The following DCC variants were observed in gnomAD, a reference collection of about 807,000 sequenced individuals.
The protein encoded by DCC is netrin receptor DCC.
In DCC, 58 loss-of-function variants were observed where a neutral mutation model predicts 172.5. The ratio of observed to expected loss-of-function variants is 0.34; its 90% CI spans 0.27 to 0.42. The LOEUF is 0.42. DCC is among the 10% of genes least tolerant of loss of function. The pLI, the probability that DCC is intolerant of heterozygous loss-of-function variation, is 1.00. For missense variants in DCC, 1,740 were observed against 1,791.0 expected (o/e 0.97, Z 0.51); for synonymous variants, 709 against 644.5 (o/e 1.10, Z -1.52).
intron 1 of DCC, among the ~76,000 whole-genome samples, chr18:52,414,305 A>C (rs1986942983): frequency 6.6e-6 from 1 of 152,010 alleles, no homozygotes; most frequent in Non-Finnish European, 1.5e-5. Context: ...GCTGGTCTTG[A>C]ACTCCTGACC....
At position 53,241,231 on chromosome 18, in the gene DCC, T is replaced by C. The variant is rs73463015; in HGVS notation, c.1911+25634T>C. On this transcript the variant is annotated intron_variant, in intron 12 of 28. Transcript: ENST00000442544. ...TCTTAAATTTGTGACTGTCAAGGGC[T>C]AGGCTAAGCTGGAGAAATCTGATCT... 6.3e-3 allele frequency among the ~76,000 whole-genome samples: 953 copies of C among 152,270 alleles called. 7 individuals are homozygous for C. The highest frequency in any genetic ancestry group is 0.021 in the African/African-American group (883 of 41,572).
At chr18:53,478,817 G>C (rs1599197522) in intron 25 of DCC, among the ~76,000 whole-genome samples, 1 of 152,316 alleles carries the variant, frequency 6.6e-6, no homozygotes, top group Middle Eastern at 3.4e-3. Context: ...CATGAGAAAG[G>C]GCAGATTTTT....
intron 2 of DCC, among the ~76,000 whole-genome samples, chr18:52,862,309 C>T (rs957801672): frequency 1.3e-5 from 2 of 151,934 alleles, no homozygotes; most frequent in African/African-American, 2.4e-5. Flanking sequence ...GTTTAAAACA[C>T]TTCATATCAA....
chr18:52,593,941 T>G (rs954506473), intron 1 of DCC, among the ~76,000 whole-genome samples: 8 of 152,328 alleles, frequency 5.3e-5, no homozygotes, highest in Admixed American at 2.0e-4. Context: ...CAGAAGTTCC[T>G]GCTTCCAGGT....
At chr18:52,581,187 T>TTATCTATATATCTATCTATCTATCTATC (rs2033538843) in intron 1 of DCC, among the ~76,000 whole-genome samples, 2 of 146,452 alleles carry the variant, frequency 1.4e-5, no homozygotes, top group African/African-American at 2.5e-5. Flanking sequence ...TCTATATATC[T>TTATCTATATATCTATCTATCTATCTATC]TATCTATCTA....
At chr18:53,068,778 T>TGTGTGTGTGTGTGC (rs1371829296) in intron 7 of DCC, among the ~76,000 whole-genome samples, 380 of 150,880 alleles carry the variant, frequency 2.5e-3, no homozygotes, top group Non-Finnish European at 3.7e-3. Context: ...AGACTGTGTG[T>TGTGTGTGTGTGTGC]GTGTGTGTGT....
Position 53,298,632 on chromosome 18 carries a change from A to G in DCC, c.1912-6946A>G, listed in dbSNP as rs145930064. Among the ~76,000 whole-genome samples, 12 of 151,582 alleles carry G rather than the reference A, an allele frequency of 7.9e-5. No homozygotes were observed. In the East Asian group the frequency reaches 2.3e-3, roughly 29 times the overall value. The stretch of plus-strand genomic sequence containing the variant: ...ATTAAAAGGTTCTAATTCTTGTTCT[A>G]AGGTTTAATATCTACATTTGTATTT... On this transcript the variant is annotated intron_variant, in intron 12 of 28. Coordinates refer to ENST00000442544, the MANE Select transcript of DCC (RefSeq NM_005215.4).
chr18:53,288,905 G>A (rs907003547), intron 12 of DCC, among the ~76,000 whole-genome samples: 1 of 152,116 alleles, frequency 6.6e-6, no homozygotes, highest in Non-Finnish European at 1.5e-5. Flanking sequence ...GAATGAGTCT[G>A]TGATTTTTAA....
intron 8 of DCC, among the ~76,000 whole-genome samples, chr18:53,168,256 C>T (rs1379614225): frequency 1.3e-5 from 2 of 152,068 alleles, no homozygotes; most frequent in East Asian, 3.9e-4. Flanking sequence ...TATAAAGACA[C>T]ATGCACACGT....
chr18:53,429,802 T>C (rs1911493696), intron 21 of DCC, among the ~76,000 whole-genome samples: 2 of 152,154 alleles, frequency 1.3e-5, no homozygotes, highest in South Asian at 4.1e-4. Flanking sequence ...AGTAACAATG[T>C]ATTTTCTTTC....
chr18:52,996,100 A>G (rs2041473433), intron 5 of DCC, among the ~76,000 whole-genome samples: 1 of 152,064 alleles, frequency 6.6e-6, no homozygotes, highest in East Asian at 1.9e-4. Context: ...ATGGACAAGA[A>G]GACTACGTCA....
At chr18:53,291,848 A>C (rs1307175747) in intron 12 of DCC, among the ~76,000 whole-genome samples, 1 of 152,198 alleles carries the variant, frequency 6.6e-6, no homozygotes, top group African/African-American at 2.4e-5. Flanking sequence ...AAATGTATTA[A>C]TCGTAAACTC....
At chr18:52,893,941 G>GA (rs1164035371) in intron 2 of DCC, among the ~76,000 whole-genome samples, 2 of 152,004 alleles carry the variant, frequency 1.3e-5, no homozygotes, top group Non-Finnish European at 1.5e-5. Context: ...TTATGAAGGA[G>GA]AAAAAACATA....
intron 3 of DCC, among the ~76,000 whole-genome samples, chr18:52,918,882 T>C (rs1002308650): frequency 7.2e-5 from 11 of 152,200 alleles, no homozygotes; most frequent in African/African-American, 2.2e-4. Flanking sequence ...TTCATTTTTA[T>C]GTATATATTT....
At chr18:52,988,572 A>T (rs181639867) in intron 5 of DCC, among the ~76,000 whole-genome samples, 1 of 152,242 alleles carries the variant, frequency 6.6e-6, no homozygotes, top group Admixed American at 6.5e-5. Context: ...ATAATAAATT[A>T]AGACTCCATT....
At chr18:52,432,305 G>A (rs1294803570) in intron 1 of DCC, among the ~76,000 whole-genome samples, 1 of 152,100 alleles carries the variant, frequency 6.6e-6, no homozygotes, top group East Asian at 1.9e-4. Flanking sequence ...CTGCTGACTT[G>A]GGTCTCCTTT....
intron 21 of DCC, among the ~76,000 whole-genome samples, chr18:53,418,423 A>T (rs1910447401): frequency 6.6e-6 from 1 of 152,122 alleles, no homozygotes; most frequent in African/African-American, 2.4e-5. Context: ...TAATACTCCC[A>T]TTCCCAGAAC....
chr18:53,510,855 TCTC>T (rs1474639406), intron 27 of DCC, among the ~76,000 whole-genome samples: 8 of 152,166 alleles, frequency 5.3e-5, no homozygotes, highest in African/African-American at 1.4e-4. Flanking sequence ...TGCTGTCTCT[TCTC>T]CTTCTCTCTC....
At chr18:52,680,726 C>T (rs756044382) in intron 1 of DCC, among the ~76,000 whole-genome samples, 3 of 152,038 alleles carry the variant, frequency 2.0e-5, no homozygotes, top group Non-Finnish European at 4.4e-5. Flanking sequence ...ATTTAGGTGG[C>T]TGCCTTCCCT....
Sources: allele counts gnomAD v4.1 joint callset (sites outside exome capture counted in the v4.1 genomes callset), GRCh38; gene constraint gnomAD v4.1.1; transcripts MANE v1.5; gene names NCBI Gene and HGNC (gene_info 2026-07-23, HGNC 2026-07-21).